The following CCDC102B variants were observed in gnomAD, a reference collection of about 807,000 sequenced individuals.
CCDC102B encodes the protein coiled-coil domain containing 102B.
Under a neutral mutation model 57.4 loss-of-function variants are expected in CCDC102B, and 75 were observed. That is an observed-to-expected ratio of 1.31 (90% CI 1.08 to 1.58). The LOEUF is 1.58. CCDC102B is among the 40% of genes most tolerant of loss of function. The pLI is 0.00. For synonymous variants in CCDC102B, 206 were observed against 201.9 expected (o/e 1.02, Z -0.17); for missense variants, 636 against 582.6 (o/e 1.09, Z -0.94).
intron 6 of CCDC102B, among the ~76,000 whole-genome samples, chr18:69,007,622 C>A (rs2051387852): frequency 6.6e-6 from 1 of 152,178 alleles, no homozygotes; most frequent in Admixed American, 6.5e-5. Context: ...TGGGCTCGAG[C>A]CCTGAGTTTC....
At chr18:68,890,031 C>T (rs892862347) in intron 5 of CCDC102B, among the ~76,000 whole-genome samples, 1 of 152,188 alleles carries the variant, frequency 6.6e-6, no homozygotes, top group Non-Finnish European at 1.5e-5. Flanking sequence ...TATTAGGATG[C>T]TGGCCATCTT....
intron 2 of CCDC102B, among the ~76,000 whole-genome samples, chr18:68,744,403 G>T (rs375247178): frequency 1.3e-5 from 2 of 152,098 alleles, no homozygotes; most frequent in African/African-American, 4.8e-5. Flanking sequence ...GGGGGCTTAT[G>T]TCTTTTATCT....
At chr18:68,872,514 AT>A (rs1204909664) in intron 4 of CCDC102B, among the ~76,000 whole-genome samples, 1 of 151,828 alleles carries the variant, frequency 6.6e-6, no homozygotes, top group East Asian at 1.9e-4. Flanking sequence ...ATATATTCTT[AT>A]TTTTTTCTTG....
At chr18:68,937,190 C>T (rs2049263970) in intron 6 of CCDC102B, among the ~76,000 whole-genome samples, 1 of 152,048 alleles carries the variant, frequency 6.6e-6, no homozygotes, top group Admixed American at 6.6e-5. Flanking sequence ...CCCTAAGGCA[C>T]ATCACAGCCT....
chr18:68,935,110 G>GAT (rs146172280), intron 6 of CCDC102B, among the ~76,000 whole-genome samples: 2,178 of 151,972 alleles, frequency 0.014, 23 homozygotes, highest in East Asian at 0.033. Context: ...CATTGAAACT[G>GAT]ATACTTAGAA....
rs987561754 is a variant in CCDC102B, at chr18:68,906,824, AC to A, written c.1263+9397del. Among the ~76,000 whole-genome samples, 7 of 117,934 alleles carry A rather than the reference AC, an allele frequency of 5.9e-5. No homozygotes were observed. In the East Asian group the frequency reaches 1.9e-3, roughly 31 times the overall value. 77.4% of individuals were successfully genotyped at this position (117,934 alleles called of 152,430 possible). A position where few individuals can be genotyped will look rare whatever the true frequency, so the allele number is the denominator to read the frequency against. ...TTGATACACGCAGTTTTACATTTTGACGAATTCTATTTTTTTTTTTTTTTTG... is the reference window on the plus strand; with the variant it reads ...TTGATACACGCAGTTTTACATTTTGAGAATTCTATTTTTTTTTTTTTTTTG... On this transcript the variant is annotated intron_variant, in intron 6 of 7. Transcript: ENST00000360242.
intron 6 of CCDC102B, among the ~76,000 whole-genome samples, chr18:68,957,522 A>G (rs1250327023): frequency 2.1e-5 from 3 of 144,800 alleles, no homozygotes; most frequent in Non-Finnish European, 3.0e-5. Flanking sequence ...ATATCTCTGT[A>G]GTATAATTTG....
chr18:68,898,289 A>G (rs2040313350), intron 6 of CCDC102B, among the ~76,000 whole-genome samples: 1 of 152,154 alleles, frequency 6.6e-6, no homozygotes, highest in East Asian at 1.9e-4. Context: ...TCATACTCAC[A>G]TAAGCTCTAA....
intron 7 of CCDC102B, among the ~76,000 whole-genome samples, chr18:69,022,039 A>T (rs746739518): frequency 2.0e-5 from 3 of 152,074 alleles, no homozygotes; most frequent in Admixed American, 6.6e-5. Context: ...CTCAGCTAAA[A>T]CTTTTCTGAG....
chr18:68,921,803 T>G (rs1044418466), intron 6 of CCDC102B, among the ~76,000 whole-genome samples: 2 of 152,150 alleles, frequency 1.3e-5, no homozygotes, highest in African/African-American at 4.8e-5. Context: ...TAGAGCCTAT[T>G]AAAATATTGC....
chr18:69,047,494 C>T (rs2052597012), intron 7 of CCDC102B, among the ~76,000 whole-genome samples: 1 of 152,050 alleles, frequency 6.6e-6, no homozygotes, highest in Non-Finnish European at 1.5e-5. Flanking sequence ...ATAAAGATGC[C>T]TTGTCTCACC....
intron 6 of CCDC102B, among the ~76,000 whole-genome samples, chr18:69,002,027 G>A (rs2051216648): frequency 6.6e-6 from 1 of 152,022 alleles, no homozygotes; most frequent in African/African-American, 2.4e-5. Context: ...ATCACAGATG[G>A]GTTTAAACAT....
At chr18:68,776,923 C>A (rs1353336373) in intron 2 of CCDC102B, among the ~76,000 whole-genome samples, 2 of 151,644 alleles carry the variant, frequency 1.3e-5, no homozygotes, top group Non-Finnish European at 2.9e-5. Context: ...CCATTTTTTT[C>A]CCGCATTTCA....
chr18:69,042,623 G>C (rs2052461388), intron 7 of CCDC102B, among the ~76,000 whole-genome samples: 1 of 152,042 alleles, frequency 6.6e-6, no homozygotes, highest in Admixed American at 6.6e-5. Context: ...CCCTTAAGAA[G>C]TGTGTAATTA....
chr18:68,883,265 G>A (rs916935845), intron 5 of CCDC102B, among the ~76,000 whole-genome samples: 1 of 151,954 alleles, frequency 6.6e-6, no homozygotes, highest in Non-Finnish European at 1.5e-5. Context: ...CAAAAAAATT[G>A]CCAGGCATGG....
intron 6 of CCDC102B, among the ~76,000 whole-genome samples, chr18:68,929,321 G>A (rs1312119917): frequency 6.6e-6 from 1 of 151,886 alleles, no homozygotes; most frequent in Non-Finnish European, 1.5e-5. Flanking sequence ...CAATTTTGAT[G>A]AAAGGGATGG....
At chr18:68,910,293 T>C (rs1348974540) in intron 6 of CCDC102B, among the ~76,000 whole-genome samples, 2 of 152,044 alleles carry the variant, frequency 1.3e-5, no homozygotes, top group Non-Finnish European at 2.9e-5. Context: ...ACTGTCTAAA[T>C]AAATAAATAA....
intron 2 of CCDC102B, chr18:68,753,341 G>A (rs1449261229): frequency 6.6e-6 from 1 of 152,050 alleles, no homozygotes; most frequent in Non-Finnish European, 1.5e-5. Flanking sequence ...CTGAAAGAGA[G>A]CCTGGATCTT....
At chr18:68,756,578 A>G (rs868024979) in intron 2 of CCDC102B, among the ~76,000 whole-genome samples, 66 of 152,308 alleles carry the variant, frequency 4.3e-4, no homozygotes, top group Middle Eastern at 3.4e-3. Flanking sequence ...TAAACTTCTA[A>G]AAGGCAAGAG....
Sources: allele counts gnomAD v4.1 joint callset (sites outside exome capture counted in the v4.1 genomes callset), GRCh38; gene constraint gnomAD v4.1.1; transcripts MANE v1.5; gene names NCBI Gene and HGNC (gene_info 2026-07-23, HGNC 2026-07-21).